Variants in DLC1 observed in about 807,000 individuals in gnomAD.
The protein encoded by DLC1 is DLC1 Rho GTPase activating protein.
DLC1 carries 54 observed loss-of-function variants against 140.3 expected under a neutral mutation model. The ratio of observed to expected loss-of-function variants is 0.38; its 90% CI spans 0.31 to 0.48. DLC1 has a LOEUF of 0.48. Among genes scored for constraint, DLC1 ranks in the 20% least tolerant of loss-of-function variants. The pLI is 0.96. For missense variants in DLC1, 2,536 were observed against 1,907.0 expected (o/e 1.33, Z -6.14); for synonymous variants, 986 against 728.1 (o/e 1.35, Z -5.70).
chr8:13,250,450 C>T (rs185060359), intron 5 of DLC1, among the ~76,000 whole-genome samples: 1 of 152,056 alleles, frequency 6.6e-6, no homozygotes, highest in African/African-American at 2.4e-5. Flanking sequence ...TTTATAAACC[C>T]TTAAAGGCAT....
intron 1 of DLC1, among the ~76,000 whole-genome samples, chr8:13,504,929 C>T (rs1414846177): frequency 1.3e-5 from 2 of 151,974 alleles, no homozygotes; most frequent in Admixed American, 1.3e-4. Context: ...TGTAGCAAGT[C>T]CAGTGGTCAA....
intron 11 of DLC1, 25 bp from the exon 12 acceptor site, chr8:13,094,982 T>C (rs1473588317): frequency 4.3e-6 from 7 of 1,613,852 alleles, no homozygotes; most frequent in Non-Finnish European, 4.2e-6. Context: ...ACACTAAGTG[T>C]GGGGTACATT....
Position 13,085,791 on chromosome 8 carries a change from C to T in DLC1, c.*20G>A, listed in dbSNP as rs536901169. ...GAAACAAACACCATGGTGGTGGAAG[C>T]GGTTGCGTTGCTTCAGTGATCACCT... On this transcript the variant is annotated 3_prime_UTR_variant, in exon 18 of 18. Coordinates refer to ENST00000276297, the MANE Select transcript of DLC1 (RefSeq NM_182643.3). The T allele has an allele frequency of 2.7e-5, 43 of 1,613,874 alleles. No homozygotes were observed. The highest frequency in any genetic ancestry group is 2.6e-4 in the South Asian group (24 of 91,070).
rs757976245 is a variant in DLC1, at chr8:13,092,683, G to T, written c.3669C>A (p.Thr1223=). 6.2e-7 allele frequency: 1 copy of T among 1,614,190 alleles called. No individual in the cohort carries two copies. The highest frequency in any genetic ancestry group is 1.1e-5 in the South Asian group (1 of 91,076). ...AAVKENQMTP[T]NLAVCLAPSL... ...AAGGCGCTAAGCACACGGCCAGGTT[G>T]GTTGGGGTCATCTGGTTTTCTTTTA... The change falls in exon 13 of 18, where the codon ACC becomes ACA. Residue 1223 remains threonine (T), a synonymous_variant. Transcript: ENST00000276297.
chr8:13,453,502 GTATATATATATACATA>G lies in DLC1; in HGVS notation c.1023+45531_1023+45546del, dbSNP rs1563360608. 6.9e-4 allele frequency among the ~76,000 whole-genome samples: 12 copies of G among 17,286 alleles called. 2 individuals are homozygous for G. Among genetic ancestry groups the G allele is most frequent in the African/African-American group, 3.9e-3 (12 of 3,068 alleles). The allele number at this position is 17,286 out of a possible 152,430, so 11.3% of individuals were successfully genotyped here. A position where few individuals can be genotyped will look rare whatever the true frequency, so the allele number is the denominator to read the frequency against. On this transcript the variant is annotated intron_variant, in intron 2 of 17. Coordinates refer to ENST00000276297, the MANE Select transcript of DLC1 (RefSeq NM_182643.3). ...TATGTATATATATACATATATATAT[GTATATATATATACATA>G]TATATATATGTATATATATACATAT...
chr8:13,438,019 C>G (rs1307285985), intron 2 of DLC1, among the ~76,000 whole-genome samples: 1 of 148,476 alleles, frequency 6.7e-6, no homozygotes, highest in Non-Finnish European at 1.5e-5. Context: ...TTATGATCTA[C>G]CTCTTTTTTT....
chr8:13,586,414 A>G (rs912576728), intron 1 of DLC1, among the ~76,000 whole-genome samples: 3 of 152,174 alleles, frequency 2.0e-5, no homozygotes, highest in African/African-American at 4.8e-5. Context: ...AAGATGGCTC[A>G]TACGTTCTCA....
intron 15 of DLC1, among the ~76,000 whole-genome samples, chr8:13,089,064 G>A (rs1817815885): frequency 6.6e-6 from 1 of 151,936 alleles, no homozygotes; most frequent in Admixed American, 6.6e-5. Flanking sequence ...TTCAAGACCA[G>A]CCTGGCCAAC....
intron 1 of DLC1, among the ~76,000 whole-genome samples, chr8:13,577,482 C>A (rs948728952): frequency 2.0e-5 from 3 of 152,084 alleles, no homozygotes; most frequent in Admixed American, 1.3e-4. Context: ...TCAGATTTTA[C>A]GTATATCTTG....
intron 4 of DLC1, among the ~76,000 whole-genome samples, chr8:13,319,821 C>T (rs1653034): frequency 0.82 from 73,341 of 89,824 alleles, 30,596 homozygotes; most frequent in East Asian, 0.94. Context: ...CTCTCTCTCT[C>T]TTTTTTTTTT....
At chr8:13,266,290 G>A (rs1830685862) in intron 5 of DLC1, among the ~76,000 whole-genome samples, 1 of 152,196 alleles carries the variant, frequency 6.6e-6, no homozygotes, top group Non-Finnish European at 1.5e-5. Context: ...GGGTTGTGAT[G>A]TTATCATCCA....
intron 2 of DLC1, among the ~76,000 whole-genome samples, chr8:13,444,857 C>G (rs1406923800): frequency 6.6e-6 from 1 of 151,814 alleles, no homozygotes; most frequent in African/African-American, 2.4e-5. Context: ...ATTTCACTGA[C>G]TCCACAAATT....
intron 5 of DLC1, among the ~76,000 whole-genome samples, chr8:13,208,528 G>C (rs1216235720): frequency 6.6e-6 from 1 of 152,108 alleles, no homozygotes; most frequent in Admixed American, 6.6e-5. Flanking sequence ...GCTACAATTA[G>C]TCTTCCTTTC....
intron 5 of DLC1, among the ~76,000 whole-genome samples, chr8:13,253,389 T>C (rs547870326): frequency 5.1e-4 from 78 of 152,264 alleles, no homozygotes; most frequent in African/African-American, 1.7e-3. Flanking sequence ...TTAACATGGC[T>C]TCTTGTGTAA....
chr8:13,565,136 C>G (rs1804381999), intron 1 of DLC1, among the ~76,000 whole-genome samples: 1 of 152,100 alleles, frequency 6.6e-6, no homozygotes, highest in Non-Finnish European at 1.5e-5. Flanking sequence ...GTAAAACTGT[C>G]CACTGGGTCA....
At chr8:13,368,785 T>A (rs1451451055) in intron 4 of DLC1, among the ~76,000 whole-genome samples, 1 of 152,096 alleles carries the variant, frequency 6.6e-6, no homozygotes. Context: ...GTGATATGGA[T>A]GTTAGTGATG....
At chr8:13,409,221 G>T (rs1837686689) in intron 2 of DLC1, among the ~76,000 whole-genome samples, 1 of 150,866 alleles carries the variant, frequency 6.6e-6, no homozygotes, top group Non-Finnish European at 1.5e-5. Context: ...GTATATACAT[G>T]GTATATAATA....
At chr8:13,533,970 C>T (rs1003913920) in intron 1 of DLC1, among the ~76,000 whole-genome samples, 1 of 152,094 alleles carries the variant, frequency 6.6e-6, no homozygotes, top group Non-Finnish European at 1.5e-5. Flanking sequence ...ATCAATCAAA[C>T]CTCTTTTGTT....
intron 5 of DLC1, among the ~76,000 whole-genome samples, chr8:13,140,772 T>C (rs1822921408): frequency 1.3e-5 from 2 of 152,176 alleles, no homozygotes; most frequent in Non-Finnish European, 2.9e-5. Context: ...GTTTTTCCTA[T>C]AGGGCTTGAC....
Sources: allele counts gnomAD v4.1 joint callset (sites outside exome capture counted in the v4.1 genomes callset), GRCh38; gene constraint gnomAD v4.1.1; transcripts MANE v1.5; gene names NCBI Gene and HGNC (gene_info 2026-07-23, HGNC 2026-07-21).